The following ZNF831 variants were observed in gnomAD, a reference collection of about 807,000 sequenced individuals.
The protein encoded by ZNF831 is zinc finger protein 831.
In ZNF831, 59 loss-of-function variants were observed where a neutral mutation model predicts 95.8. The observed-to-expected ratio is 0.62, with a 90% CI of 0.50 to 0.77. ZNF831 has a LOEUF of 0.77. Ranked by LOEUF, ZNF831 falls within the 30% of genes least tolerant of loss-of-function variation. The pLI, the probability that ZNF831 is intolerant of heterozygous loss-of-function variation, is 0.00. For missense variants in ZNF831, 2,205 were observed against 2,164.0 expected (o/e 1.02, Z -0.38); for synonymous variants, 961 against 925.5 (o/e 1.04, Z -0.70).
Position 59,254,019 on chromosome 20 carries a change from CT to C in ZNF831, c.4311del (p.Gly1438AlafsTer62), listed in dbSNP as rs1988046360. The C allele has an allele frequency of 5.6e-6, 9 of 1,614,002 alleles. No individual in the cohort carries two copies. The highest frequency in any genetic ancestry group is 1.7e-5 in the Admixed American group (1 of 60,002). On this transcript the variant is annotated frameshift_variant, in exon 6 of 6. Transcript: ENST00000371030. LOFTEE classifies it low-confidence loss of function (END_TRUNC). This position sits in a 1 kb window ranked among gnomAD's most constrained non-coding sequence, Gnocchi z 4.5. ...LAVVNDVPLP[P>X]GKGLDLGLLE... ...GTGGTTAATGACGTGCCTCTACCCC[CT>C]GGCAAAGGTCTTGACCTTGGGTTGC...
rs1010367124 is a variant in ZNF831, at chr20:59,169,197, T to C, written c.-37+4990T>C. 2.6e-5 allele frequency among the ~76,000 whole-genome samples: 4 copies of C among 152,222 alleles called. No individual in the cohort carries two copies. The highest frequency in any genetic ancestry group is 9.6e-5 in the African/African-American group (4 of 41,456). ...GACTTCTTAGCAGGGAGCTTCAAAATTGCAAATTCAATCTGATAAATAGTT... is the reference window on the plus strand; with the variant it reads ...GACTTCTTAGCAGGGAGCTTCAAAACTGCAAATTCAATCTGATAAATAGTT... On this transcript the variant is annotated intron_variant, in intron 1 of 5. Transcript: ENST00000371030. This position sits in a 1 kb window ranked among gnomAD's most constrained non-coding sequence, Gnocchi z 4.1.
intron 1 of ZNF831, among the ~76,000 whole-genome samples, chr20:59,143,284 G>T (rs1190185991): frequency 1.3e-5 from 2 of 152,222 alleles, no homozygotes; most frequent in Non-Finnish European, 2.9e-5. Context: ...TGGTGAGTAA[G>T]TAGGCAGGTG....
chr20:59,160,407 C>T (rs1209161938), upstream of ZNF831: 3 of 152,248 alleles, frequency 2.0e-5, no homozygotes, highest in Admixed American at 6.5e-5. Flanking sequence ...CATGGACGCT[C>T]TTGATCGAAT....
chr20:59,192,087 GC>G lies in ZNF831; in HGVS notation c.1069del (p.His357MetfsTer177). 6.2e-7 allele frequency: 1 copy of G among 1,601,604 alleles called. No individual in the cohort carries two copies. The highest frequency in any genetic ancestry group is 8.5e-7 in the Non-Finnish European group (1 of 1,177,198). On this transcript the variant is annotated frameshift_variant, in exon 2 of 6. Coordinates refer to ENST00000371030, the MANE Select transcript of ZNF831 (RefSeq NM_178457.3). LOFTEE classifies it high-confidence loss of function. This position sits in a 1 kb window ranked among gnomAD's most constrained non-coding sequence, Gnocchi z 5.2. ...LSRSDSAEQPHAPCSPLHSLS... is the reference protein window; with the variant it reads ...LSRSDSAEQPXAPCSPLHSLS... ...CGCGCTCCGACAGCGCGGAGCAGCC[GC>G]ATGCGCCCTGCAGCCCCCTGCACAG...
chr20:59,208,799 T>A lies in ZNF831; in HGVS notation c.4027+1743T>A, dbSNP rs185029237. Among the ~76,000 whole-genome samples the A allele has an allele frequency of 6.6e-6, 1 of 152,304 alleles. No homozygotes were observed. The highest frequency in any genetic ancestry group is 2.4e-5 in the African/African-American group (1 of 41,574). On this transcript the variant is annotated intron_variant, in intron 4 of 5. Transcript: ENST00000371030. This position sits in a 1 kb window ranked among gnomAD's most constrained non-coding sequence, Gnocchi z 4.2. ...CCCTGCTGAGACGCTGGCAGAGAGCTGGTAGCCCCCGCTACCTGGGAGGTT... is the reference window on the plus strand; with the variant it reads ...CCCTGCTGAGACGCTGGCAGAGAGCAGGTAGCCCCCGCTACCTGGGAGGTT...
At chr20:59,194,901 A>C in intron 2 of ZNF831, 144 bp downstream of exon 2, 1 of 1,223,586 alleles carries the variant, frequency 8.2e-7, no homozygotes, top group Non-Finnish European at 1.1e-6. Context: ...GAGGCTGGGG[A>C]TACCACATAG....
chr20:59,208,487 G>C lies in ZNF831; in HGVS notation c.4027+1431G>C, dbSNP rs115313291. Among the ~76,000 whole-genome samples, 7 of 152,256 alleles carry C rather than the reference G, an allele frequency of 4.6e-5. No homozygotes were observed. The highest frequency in any genetic ancestry group is 1.4e-4 in the African/African-American group (6 of 41,558). Reference sequence around the variant, plus strand: ...TCCAGGTGCCCTGTGGATGCCCCTCGTCTCTCCTTAAGAGTTTTCCAATGT... The same window carrying C: ...TCCAGGTGCCCTGTGGATGCCCCTCCTCTCTCCTTAAGAGTTTTCCAATGT... On this transcript the variant is annotated intron_variant, in intron 4 of 5. Transcript: ENST00000371030. This position sits in a 1 kb window ranked among gnomAD's most constrained non-coding sequence, Gnocchi z 4.2.
At chr20:59,198,424 T>C (rs1465604211) in intron 3 of ZNF831, among the ~76,000 whole-genome samples, 1 of 152,236 alleles carries the variant, frequency 6.6e-6, no homozygotes, top group Non-Finnish European at 1.5e-5. Context: ...CCACCCCTTG[T>C]GGGTAAGAGC....
At chr20:59,199,661 G>A (rs540293984) in intron 3 of ZNF831, among the ~76,000 whole-genome samples, 3 of 152,168 alleles carry the variant, frequency 2.0e-5, no homozygotes, top group East Asian at 3.9e-4. Flanking sequence ...GATTTTTTAA[G>A]TGATGAATAT....
At chr20:59,189,180 C>CAA (rs549960207) in intron 1 of ZNF831, among the ~76,000 whole-genome samples, 1 of 143,990 alleles carries the variant, frequency 6.9e-6, no homozygotes, top group Middle Eastern at 3.3e-3. Flanking sequence ...GACGCCATCT[C>CAA]AAAAAAAAAA....
At chr20:59,209,816 C>T (rs1239737102) in intron 4 of ZNF831, among the ~76,000 whole-genome samples, 1 of 152,172 alleles carries the variant, frequency 6.6e-6, no homozygotes, top group African/African-American at 2.4e-5. Context: ...GTCTTGTGGC[C>T]TCTGCCTACA....
At chr20:59,182,021 C>T (rs1448999850) in intron 1 of ZNF831, among the ~76,000 whole-genome samples, 1 of 152,170 alleles carries the variant, frequency 6.6e-6, no homozygotes, top group Non-Finnish European at 1.5e-5. Flanking sequence ...CTTCCCTGTT[C>T]TCTCTGTCTT....
At chr20:59,187,602 T>A (rs1453222809) in intron 1 of ZNF831, among the ~76,000 whole-genome samples, 2 of 150,682 alleles carry the variant, frequency 1.3e-5, no homozygotes, top group East Asian at 1.9e-4. Context: ...GACAATACTT[T>A]AAAAAAAAAA....
chr20:59,229,038 G>A (rs1286870324), intron 4 of ZNF831, among the ~76,000 whole-genome samples: 2 of 152,048 alleles, frequency 1.3e-5, no homozygotes, highest in African/African-American at 2.4e-5. Flanking sequence ...TTAGTCTCAC[G>A]TGAGTGAGAA....
rs377420696 is a variant in ZNF831 at position 59,194,604 on chromosome 20, C to T, written c.3585C>T (p.Pro1195=). The part of the protein sequence containing the change: ...WCCLSRSVPL[P]AEQKAKAASV... ...GCCTGAGCCGCAGTGTCCCTCTGCC[C>T]GCGGAGCAGAAGGCAAAGGCGGCAT... The change falls in exon 2 of 6, where the codon CCC becomes CCT. Residue 1195 remains proline, a synonymous_variant. Transcript: ENST00000371030. 3.3e-5 allele frequency: 54 copies of T among 1,612,426 alleles called. No homozygotes were observed. In the African/African-American group the frequency reaches 5.3e-4, roughly 16 times the overall value.
At chr20:59,248,648 T>C (rs80170340) in intron 4 of ZNF831, among the ~76,000 whole-genome samples, 4,251 of 152,344 alleles carry the variant, frequency 0.028, 82 homozygotes, top group South Asian at 0.057. Flanking sequence ...TACTTCTTCA[T>C]TGAATTGAAT....
chr20:59,168,792 A>T (rs1981498325), intron 1 of ZNF831, among the ~76,000 whole-genome samples: 1 of 152,224 alleles, frequency 6.6e-6, no homozygotes, highest in South Asian at 2.1e-4. Context: ...AGATTTTATT[A>T]TGAATGGGTG....
Position 59,194,003 on chromosome 20 carries a change from G to A in ZNF831, c.2984G>A (p.Gly995Asp). 6.5e-7 allele frequency: 1 copy of A among 1,530,550 alleles called. No homozygotes were observed. The highest frequency in any genetic ancestry group is 8.8e-7 in the Non-Finnish European group (1 of 1,140,994). 94.8% of individuals were successfully genotyped at this position (1,530,550 alleles called of 1,614,324 possible). A position where few individuals can be genotyped will look rare whatever the true frequency, so the allele number is the denominator to read the frequency against. The change falls in exon 2 of 6, where the codon GGC becomes GAC. Residue 995 changes from glycine to aspartate, a missense_variant. By Grantham distance (94) the Gly-to-Asp change is moderately conservative. Coordinates refer to ENST00000371030, the MANE Select transcript of ZNF831 (RefSeq NM_178457.3). ...CCTCTTTCTCCCAGCCCAGCCTCAG[G>A]CCCCTCCCCAGGTGAGGCGGACAGC... ...GTPLSPSPAS[G>D]PSPGEADSIL... is the part of the protein sequence containing the mutation.
chr20:59,138,177 T>A lies in ZNF831; in HGVS notation c.-1424-8054T>A, dbSNP rs1228474720. ...AACCACATTCTGGCATTGCAATGTT[T>A]GTTCAACAAAAACATTTGTGGAAAT... On this transcript the variant is annotated intron_variant, in intron 1 of 7. Transcript: ENST00000637017. 2.0e-5 allele frequency among the ~76,000 whole-genome samples: 3 copies of A among 152,374 alleles called. No individual in the cohort carries two copies. The East Asian group carries it at 5.8e-4, about 29-fold the overall frequency.
Sources: gnomAD v4.1 joint callset for allele counts (sites outside exome capture counted in the v4.1 genomes callset) on GRCh38, gnomAD v4.1.1 for gene constraint, Gnocchi (gnomAD v3.1) non-coding constraint, MANE v1.5 for transcripts, NCBI Gene and HGNC (gene_info 2026-07-23, HGNC 2026-07-21) for gene names.